The following CYRIA variants were observed in gnomAD, a reference collection of about 807,000 sequenced individuals.
CYRIA encodes CYFIP related Rac1 interactor A, also known as CYFIP-related Rac1 interactor A.
CYRIA carries 15 observed loss-of-function variants against 43.9 expected under a neutral mutation model. The observed-to-expected ratio is 0.34, with a 90% CI of 0.23 to 0.53. The LOEUF (loss-of-function observed/expected upper bound fraction) is 0.53. Among genes scored for constraint, CYRIA ranks in the 20% least tolerant of loss-of-function variants. CYRIA has a pLI of 0.94. For missense variants in CYRIA, 236 were observed against 394.2 expected (o/e 0.60, Z 3.40); for synonymous variants, 117 against 136.0 (o/e 0.86, Z 0.97).
intron 2 of CYRIA, among the ~76,000 whole-genome samples, chr2:16,614,435 T>TA (rs1344959024): frequency 6.6e-5 from 10 of 152,236 alleles, no homozygotes; most frequent in African/African-American, 2.4e-4. Flanking sequence ...TCCTGATGAC[T>TA]CAGCGATGCT....
intron 2 of CYRIA, among the ~76,000 whole-genome samples, chr2:16,618,693 T>A (rs575734609): frequency 6.6e-6 from 1 of 152,320 alleles, no homozygotes; most frequent in Non-Finnish European, 1.5e-5. Context: ...GAGATGATTC[T>A]GTAAGGAGGG....
chr2:16,567,984 G>GAAAC (rs968152719), intron 3 of CYRIA, among the ~76,000 whole-genome samples: 8 of 151,982 alleles, frequency 5.3e-5, no homozygotes, highest in Non-Finnish European at 7.4e-5. Flanking sequence ...CAAGGCTGGG[G>GAAAC]AAACAAACAA....
At chr2:16,616,406 A>G (rs1668794078) in intron 2 of CYRIA, among the ~76,000 whole-genome samples, 1 of 151,444 alleles carries the variant, frequency 6.6e-6, no homozygotes, top group African/African-American at 2.4e-5. Flanking sequence ...CCCTTTGTCA[A>G]CTCTCCAGCC....
intron 2 of CYRIA, among the ~76,000 whole-genome samples, chr2:16,616,287 T>A (rs896065868): frequency 3.9e-5 from 6 of 152,158 alleles, no homozygotes; most frequent in Non-Finnish European, 1.5e-5. Flanking sequence ...AGGCTTCAAG[T>A]AGAACTTACT....
At chr2:16,559,935 A>G (rs548501974) in intron 9 of CYRIA, among the ~76,000 whole-genome samples, 49 of 152,324 alleles carry the variant, frequency 3.2e-4, no homozygotes, top group Non-Finnish European at 6.8e-4. Flanking sequence ...TAATGGCTTC[A>G]TTACAGAGAA....
At chr2:16,645,148 G>A (rs1331515512) in intron 1 of CYRIA, among the ~76,000 whole-genome samples, 2 of 152,154 alleles carry the variant, frequency 1.3e-5, no homozygotes, top group Admixed American at 6.5e-5. Context: ...ATTTTTTACA[G>A]TATAAAGGTA....
At chr2:16,660,922 C>T (rs1448015322) in intron 1 of CYRIA, among the ~76,000 whole-genome samples, 2 of 152,166 alleles carry the variant, frequency 1.3e-5, no homozygotes, top group Non-Finnish European at 2.9e-5. Flanking sequence ...ATTCTTAGGC[C>T]AGGGAAATTA....
At chr2:16,575,370 G>A (rs915821871) in intron 3 of CYRIA, among the ~76,000 whole-genome samples, 2 of 152,134 alleles carry the variant, frequency 1.3e-5, no homozygotes, top group Middle Eastern at 3.2e-3. Flanking sequence ...TTTGAAATGT[G>A]AGGACATGAG....
At chr2:16,598,291 TG>T (rs1415995315) in intron 2 of CYRIA, among the ~76,000 whole-genome samples, 2 of 81,390 alleles carry the variant, frequency 2.5e-5, no homozygotes, top group African/African-American at 1.4e-4. Context: ...CTTGCTAGAT[TG>T]GGGAAGTTCT....
At chr2:16,622,315 C>T (rs1003436125) in intron 2 of CYRIA, among the ~76,000 whole-genome samples, 9 of 152,136 alleles carry the variant, frequency 5.9e-5, no homozygotes, top group African/African-American at 2.2e-4. Context: ...GCTGGAGAGG[C>T]AATCTGGCTA....
At chr2:16,638,528 G>A (rs1669571587) in intron 1 of CYRIA, among the ~76,000 whole-genome samples, 1 of 152,160 alleles carries the variant, frequency 6.6e-6, no homozygotes, top group African/African-American at 2.4e-5. Flanking sequence ...CACGGGCCTT[G>A]AAAATGAACA....
At chr2:16,618,060 G>A (rs540460996) in intron 2 of CYRIA, among the ~76,000 whole-genome samples, 2 of 152,268 alleles carry the variant, frequency 1.3e-5, no homozygotes, top group South Asian at 4.1e-4. Flanking sequence ...GCAGCACTGT[G>A]GGGTTTTGAA....
Position 16,551,863 on chromosome 2 carries a change from C to T in CYRIA, c.*1073G>A, listed in dbSNP as rs1044051369. 9 of 152,080 alleles carry T rather than the reference C, an allele frequency of 5.9e-5. No individual in the cohort carries two copies. Among genetic ancestry groups the T allele is most frequent in the Non-Finnish European group, 1.0e-4 (7 of 67,994 alleles). 9.4% of individuals were successfully genotyped at this position (152,080 alleles called of 1,614,324 possible). A position where few individuals can be genotyped will look rare whatever the true frequency, so the allele number is the denominator to read the frequency against. ...TCATTAGTAAGGCCAGGAGTAAATT[C>T]AGGTGCACCAGGGCTTTTATATTGC... On this transcript the variant is annotated 3_prime_UTR_variant, in exon 12 of 12. Transcript: ENST00000381323.
intron 1 of CYRIA, among the ~76,000 whole-genome samples, chr2:16,661,182 G>T (rs536500933): frequency 5.5e-4 from 84 of 152,198 alleles, no homozygotes; most frequent in African/African-American, 2.0e-3. Flanking sequence ...GGCTGGGGTG[G>T]GAGGATTACT....
chr2:16,575,970 A>G (rs1403361717), intron 3 of CYRIA, among the ~76,000 whole-genome samples: 1 of 152,176 alleles, frequency 6.6e-6, no homozygotes, highest in Non-Finnish European at 1.5e-5. Context: ...AAGAGACATG[A>G]CTTGCTCCTC....
At chr2:16,647,293 A>C (rs1437316698) in intron 1 of CYRIA, among the ~76,000 whole-genome samples, 1 of 152,208 alleles carries the variant, frequency 6.6e-6, no homozygotes, top group African/African-American at 2.4e-5. Context: ...ACTTGAAGCA[A>C]AGAAATAAAC....
chr2:16,620,432 A>G (rs1411655734), intron 2 of CYRIA, among the ~76,000 whole-genome samples: 2 of 152,342 alleles, frequency 1.3e-5, no homozygotes, highest in Non-Finnish European at 2.9e-5. Flanking sequence ...GGGAAGGGAC[A>G]TTGTATGCAT....
chr2:16,561,142 G>C lies in CYRIA; in HGVS notation c.630+19C>G, dbSNP rs75813257. ...GTGGAATTAAGGAAAAAAGCACCTC[G>C]TTGCTCAACTTCACTTACTTCAGAG... On this transcript the variant is annotated intron_variant, in intron 8 of 11. Transcript: ENST00000381323. 6.2e-7 allele frequency: 1 copy of C among 1,610,140 alleles called. No individual in the cohort carries two copies. The highest frequency in any genetic ancestry group is 1.3e-5 in the African/African-American group (1 of 74,780).
chr2:16,593,354 C>A (rs1253704741), intron 2 of CYRIA, among the ~76,000 whole-genome samples: 1 of 152,006 alleles, frequency 6.6e-6, no homozygotes, highest in South Asian at 2.1e-4. Flanking sequence ...TTTCTACATG[C>A]AAGTCATGGT....
Sources: allele counts gnomAD v4.1 joint callset (sites outside exome capture counted in the v4.1 genomes callset), GRCh38; gene constraint gnomAD v4.1.1; transcripts MANE v1.5; gene names NCBI Gene and HGNC (gene_info 2026-07-23, HGNC 2026-07-21).